JAKMIP2: variants seen among roughly 807,000 people sequenced by gnomAD.
JAKMIP2 encodes janus kinase and microtubule-interacting protein 2.
In JAKMIP2, 25 loss-of-function variants were observed where a neutral mutation model predicts 115.0. The observed-to-expected ratio is 0.22, with a 90% confidence interval of 0.16 to 0.30. The LOEUF is 0.30. Ranked by LOEUF, JAKMIP2 falls within the 10% of genes least tolerant of loss-of-function variation. The pLI, the probability that JAKMIP2 is intolerant of heterozygous loss-of-function variation, is 1.00. For synonymous variants in JAKMIP2, 334 were observed against 343.6 expected (o/e 0.97, Z 0.31); for missense variants, 642 against 957.6 (o/e 0.67, Z 4.35).
At chr5:147,637,313 C>A (rs34100034) in intron 10 of JAKMIP2, among the ~76,000 whole-genome samples, 5 of 151,776 alleles carry the variant, frequency 3.3e-5, no homozygotes, top group African/African-American at 9.7e-5. Context: ...TAGAGCCAAA[C>A]CCTCACCTGC....
intron 1 of JAKMIP2, among the ~76,000 whole-genome samples, chr5:147,704,313 C>T (rs76442881): frequency 0.013 from 2,027 of 152,256 alleles, 59 homozygotes; most frequent in African/African-American, 0.047. Flanking sequence ...ATACCACAAA[C>T]ACGTGAGTGA....
chr5:147,711,541 C>T (rs1016286184), intron 1 of JAKMIP2, among the ~76,000 whole-genome samples: 4 of 152,112 alleles, frequency 2.6e-5, no homozygotes, highest in Non-Finnish European at 4.4e-5. Flanking sequence ...TTGGGGGCAA[C>T]CTAATTTTAT....
rs541499637 is a variant in JAKMIP2, at chr5:147,713,320, C to A, written c.-148-41366G>T. ...CAAGGTTCCATTTTTTTACGTGAGA[C>A]ATTTTTTAACAAAAAGTGACAATAT... On this transcript the variant is annotated intron_variant, in intron 1 of 21. Coordinates refer to ENST00000616793, the MANE Select transcript of JAKMIP2 (RefSeq NM_001270941.2). Among the ~76,000 whole-genome samples the A allele has an allele frequency of 7.2e-5, 11 of 152,128 alleles. No homozygotes were observed. In the South Asian group the frequency reaches 2.3e-3, roughly 32 times the overall value.
intron 2 of JAKMIP2, among the ~76,000 whole-genome samples, chr5:147,666,152 T>C (rs1759288685): frequency 6.6e-6 from 1 of 152,200 alleles, no homozygotes; most frequent in African/African-American, 2.4e-5. Flanking sequence ...ATGGCTTCTT[T>C]TTAAGTCTGG....
intron 1 of JAKMIP2, among the ~76,000 whole-genome samples, chr5:147,770,724 AAG>A (rs1755320833): frequency 6.6e-6 from 1 of 152,164 alleles, no homozygotes; most frequent in African/African-American, 2.4e-5. Flanking sequence ...TTACAGTTTA[AAG>A]AACTGTCAAA....
intron 1 of JAKMIP2, among the ~76,000 whole-genome samples, chr5:147,757,692 G>C (rs1355464572): frequency 1.3e-5 from 2 of 152,026 alleles, no homozygotes; most frequent in Admixed American, 6.6e-5. Flanking sequence ...AATGCGTGTG[G>C]ACATTTAGCA....
intron 21 of JAKMIP2, among the ~76,000 whole-genome samples, chr5:147,600,339 T>A (rs1316955585): frequency 6.6e-6 from 1 of 152,174 alleles, no homozygotes; most frequent in African/African-American, 2.4e-5. Flanking sequence ...TATGAGTTCA[T>A]ATATTTTCTG....
At chr5:147,765,316 A>G (rs967661060) in intron 1 of JAKMIP2, among the ~76,000 whole-genome samples, 17 of 152,130 alleles carry the variant, frequency 1.1e-4, no homozygotes, top group African/African-American at 4.1e-4. Flanking sequence ...TAGATAGGAC[A>G]TGAAGAAAGC....
chr5:147,694,315 GTGTCTCTCATCT>G (rs1752002340), intron 1 of JAKMIP2, among the ~76,000 whole-genome samples: 1 of 152,064 alleles, frequency 6.6e-6, no homozygotes. Context: ...CTCTTTTTGG[GTGTCTCTCATCT>G]TGTCTTTGTG....
At chr5:147,780,196 A>G (rs1431169115) in intron 1 of JAKMIP2, among the ~76,000 whole-genome samples, 2 of 152,126 alleles carry the variant, frequency 1.3e-5, no homozygotes, top group Non-Finnish European at 2.9e-5. Context: ...AAGGCCATAT[A>G]ATTGTCTTAA....
intron 1 of JAKMIP2, among the ~76,000 whole-genome samples, chr5:147,759,714 A>C (rs1413097579): frequency 1.3e-5 from 2 of 152,178 alleles, no homozygotes; most frequent in Non-Finnish European, 2.9e-5. Flanking sequence ...AGTGCAAGTC[A>C]AGAAAAGTGT....
intron 1 of JAKMIP2, among the ~76,000 whole-genome samples, chr5:147,688,418 G>A (rs1156372696): frequency 6.6e-6 from 1 of 152,182 alleles, no homozygotes. Context: ...GATCACATGA[G>A]ATAGATAATT....
chr5:147,644,132 T>C lies in JAKMIP2; in HGVS notation c.1150A>G (p.Asn384Asp). ...AGAAACTCTGTTTCTTGTTCTTCAT[T>C]AGCTTGGTCGAGGTCATTCAGAGAT... ...LKSLNDLDQA[N>D]EEQETEFLKL... Residue 384 changes from asparagine (N) to aspartate (D), a missense_variant, in exon 7 of 22, where the codon AAT becomes GAT. Asn to Asp is a conservative substitution (Grantham distance 23). Coordinates refer to ENST00000616793, the MANE Select transcript of JAKMIP2 (RefSeq NM_001270941.2). The C allele has an allele frequency of 6.2e-7, 1 of 1,609,452 alleles. No individual in the cohort carries two copies. The highest frequency in any genetic ancestry group is 8.5e-7 in the Non-Finnish European group (1 of 1,176,974).
intron 18 of JAKMIP2, 97 bp from the exon 19 acceptor site, chr5:147,618,211 C>CTA (rs1422863150): frequency 1.2e-6 from 1 of 865,592 alleles, no homozygotes; most frequent in African/African-American, 1.7e-5. Context: ...TGGCTGCCAA[C>CTA]TTTAGGCTTA....
At chr5:147,745,380 C>G (rs1290303571) in intron 1 of JAKMIP2, among the ~76,000 whole-genome samples, 1 of 152,164 alleles carries the variant, frequency 6.6e-6, no homozygotes, top group Non-Finnish European at 1.5e-5. Context: ...CCACTCCTTG[C>G]TTTATTAACA....
At chr5:147,716,098 G>T (rs1270144515) in intron 1 of JAKMIP2, among the ~76,000 whole-genome samples, 3 of 144,998 alleles carry the variant, frequency 2.1e-5, no homozygotes, top group Admixed American at 6.9e-5. Flanking sequence ...TGCAGTGTTT[G>T]GTTTTTTGTT....
chr5:147,662,508 G>T (rs1238246482), intron 2 of JAKMIP2, among the ~76,000 whole-genome samples: 1 of 152,108 alleles, frequency 6.6e-6, no homozygotes, highest in Admixed American at 6.5e-5. Flanking sequence ...GTGAGTCTCT[G>T]ATTCAGTAGA....
chr5:147,772,232 C>G (rs1436944288), intron 1 of JAKMIP2, among the ~76,000 whole-genome samples: 1 of 152,078 alleles, frequency 6.6e-6, no homozygotes, highest in African/African-American at 2.4e-5. Flanking sequence ...ATAAGGGAAA[C>G]ATTTGAAGCT....
Position 147,636,211 on chromosome 5 carries a change from G to C in JAKMIP2, c.1677+11C>G. ...CTCCTCTGCCCCGCTAGGGTGTTGTGCCCAACATACCTTTTCTAAAAGCTC... is the reference window on the plus strand; with the variant it reads ...CTCCTCTGCCCCGCTAGGGTGTTGTCCCCAACATACCTTTTCTAAAAGCTC... On this transcript the variant is annotated intron_variant, in intron 12 of 21. Transcript: ENST00000616793. 1 of 1,609,928 alleles carries C rather than the reference G, an allele frequency of 6.2e-7. No individual in the cohort carries two copies. The highest frequency in any genetic ancestry group is 8.5e-7 in the Non-Finnish European group (1 of 1,176,306).
Sources: allele counts gnomAD v4.1 joint callset (sites outside exome capture counted in the v4.1 genomes callset), GRCh38; gene constraint gnomAD v4.1.1; transcripts MANE v1.5; gene names NCBI Gene and HGNC (gene_info 2026-07-23, HGNC 2026-07-21).